H2AZ1: variants seen among roughly 807,000 people sequenced by gnomAD.
The protein encoded by H2AZ1 is histone H2A.Z.
A neutral mutation model predicts 16.6 loss-of-function variants in H2AZ1; 3 were observed. The ratio of observed to expected loss-of-function variants is 0.18; its 90% CI spans 0.08 to 0.47. The LOEUF (loss-of-function observed/expected upper bound fraction) is 0.47, where lower values mean the gene tolerates loss of function less well. Among genes scored for constraint, H2AZ1 ranks in the 20% least tolerant of loss-of-function variants. H2AZ1 has a pLI of 0.98. For missense variants in H2AZ1, 27 were observed against 163.6 expected (o/e 0.17, Z 4.55); for synonymous variants, 78 against 60.7 (o/e 1.28, Z -1.32).
chr4:99,948,971 A>G, intron 3 of H2AZ1, 31 bp from the exon 4 acceptor site: 1 of 1,321,128 alleles, frequency 7.6e-7, no homozygotes, highest in East Asian at 2.3e-5. Flanking sequence ...GTTGCCTTCC[A>G]ACTTTCCTTT....
At chr4:99,949,410 CAT>C in intron 2 of H2AZ1, 24 bp from the exon 3 acceptor site, 1 of 1,400,036 alleles carries the variant, frequency 7.1e-7, no homozygotes, top group Non-Finnish European at 1.0e-6. Context: ...CATACACAAA[CAT>C]AAATGCACAA....
chr4:99,948,596 T>C, intron 4 of H2AZ1, 73 bp from the exon 5 acceptor site: 1 of 1,579,958 alleles, frequency 6.3e-7, no homozygotes, highest in Non-Finnish European at 8.6e-7. Context: ...CAAGAAAGTG[T>C]ATACTGTTCA....
Position 99,950,250 on chromosome 4 carries a change from C to A in H2AZ1, c.-80G>T. On this transcript the variant is annotated 5_prime_UTR_variant, in exon 1 of 5. The change creates a new upstream start codon in the 5' untranslated region. Coordinates refer to ENST00000296417, the MANE Select transcript of H2AZ1 (RefSeq NM_002106.4). ...CACGGTGAGATCCCACCACCTACTC[C>A]TTCGTCGCACCGCGATTCAAACTGC... The A allele has an allele frequency of 1.5e-6, 2 of 1,338,004 alleles. No individual in the cohort carries two copies. The highest frequency in any genetic ancestry group is 2.1e-6 in the Non-Finnish European group (2 of 943,362). 82.9% of individuals were successfully genotyped at this position (1,338,004 alleles called of 1,614,324 possible).
intron 2 of H2AZ1, 58 bp from the exon 3 acceptor site, chr4:99,949,444 A>G: frequency 8.3e-7 from 1 of 1,199,026 alleles, no homozygotes; most frequent in Middle Eastern, 1.9e-4. Context: ...AGAGATGGGG[A>G]AATTATATGC....
At position 99,948,860 on chromosome 4, in the gene H2AZ1, A is replaced by G. The variant is rs1215152143; in HGVS notation, c.276T>C (p.Arg92=). 1.2e-6 allele frequency: 2 copies of G among 1,612,710 alleles called. No homozygotes were observed. Among genetic ancestry groups the G allele is most frequent in the Admixed American group, 1.7e-5 (1 of 60,000 alleles). Residue 92 remains arginine, a synonymous_variant, in exon 4 of 5, where the codon CGT becomes CGC. Transcript: ENST00000296417. ...ITPRHLQLAI[R]GDEELDSLIK... ...TGAGAGAATCCAATTCTTCATCTCC[A>G]CGAATAGCAAGTTGCAAGTGACGAG... is the stretch of plus-strand genomic sequence containing the variant.
At chr4:99,949,177 G>A in intron 3 of H2AZ1, 96 bp downstream of exon 3, 1 of 746,712 alleles carries the variant, frequency 1.3e-6, no homozygotes, top group East Asian at 2.6e-5. Context: ...GCCGCGTTCA[G>A]GGCCTGGGAG....
chr4:99,949,659 T>C lies in H2AZ1; in HGVS notation c.81+4A>G, dbSNP rs902412147. On this transcript the variant is annotated splice_donor_region_variant and intron_variant, in intron 2 of 4. Coordinates refer to ENST00000296417, the MANE Select transcript of H2AZ1 (RefSeq NM_002106.4). Reference sequence around the variant, plus strand: ...ACTCCCAGACTGCACGAACAACTACTGACCTGCAAGCCGGCTCTCTGCGAG... The same window carrying C: ...ACTCCCAGACTGCACGAACAACTACCGACCTGCAAGCCGGCTCTCTGCGAG... 4.3e-6 allele frequency: 7 copies of C among 1,612,900 alleles called. No individual in the cohort carries two copies. The highest frequency in any genetic ancestry group is 5.9e-6 in the Non-Finnish European group (7 of 1,178,954).
Position 99,949,404 on chromosome 4 carries a change from C to T in H2AZ1, c.82-18G>A, listed in dbSNP as rs1260806408. On this transcript the variant is annotated intron_variant, in intron 2 of 4. Transcript: ENST00000296417. ...ACTGGGAACTTAAATTTTAAGCATA[C>T]ACAAACATAAATGCACAAAAATGAG... 5.5e-6 allele frequency: 8 copies of T among 1,459,844 alleles called. No individual in the cohort carries two copies. Among genetic ancestry groups the T allele is most frequent in the Non-Finnish European group, 7.7e-6 (8 of 1,039,484 alleles). The allele number at this position is 1,459,844 out of a possible 1,614,324, so 90.4% of individuals were successfully genotyped here.
At chr4:99,949,772 G>C in intron 1 of H2AZ1, 32 bp from the exon 2 acceptor site, 1 of 1,562,366 alleles carries the variant, frequency 6.4e-7, no homozygotes, top group Non-Finnish European at 8.7e-7. Context: ...GAGCGGAGGA[G>C]GAACGGAGAA....
At chr4:99,949,922 G>A (rs1184347331) in intron 1 of H2AZ1, 182 bp from the exon 2 acceptor site, 1 of 197,248 alleles carries the variant, frequency 5.1e-6, no homozygotes, top group Non-Finnish European at 8.9e-6. Context: ...CCGCGCGCTC[G>A]CCACGGCCGC....
At position 99,949,263 on chromosome 4, in the gene H2AZ1, A is replaced by C. The variant is rs939678179; in HGVS notation, c.195+10T>G. The C allele has an allele frequency of 1.3e-6, 2 of 1,503,530 alleles. No homozygotes were observed. Among genetic ancestry groups the C allele is most frequent in the African/African-American group, 2.8e-5 (2 of 72,118 alleles). The allele number at this position is 1,503,530 out of a possible 1,614,324, so 93.1% of individuals were successfully genotyped here. On this transcript the variant is annotated intron_variant, in intron 3 of 4. Coordinates refer to ENST00000296417, the MANE Select transcript of H2AZ1 (RefSeq NM_002106.4). ...AACCTTCTCCGGATTATAGGCGTTC[A>C]CCCATTTACCTCTGCGGTGAGGTAC... is the stretch of plus-strand genomic sequence containing the variant.
chr4:99,949,399 G>A lies in H2AZ1; in HGVS notation c.82-13C>T. On this transcript the variant is annotated splice_polypyrimidine_tract_variant and intron_variant, in intron 2 of 4. Coordinates refer to ENST00000296417, the MANE Select transcript of H2AZ1 (RefSeq NM_002106.4). ...GGCCCACTGGGAACTTAAATTTTAA[G>A]CATACACAAACATAAATGCACAAAA... 1 of 1,493,544 alleles carries A rather than the reference G, an allele frequency of 6.7e-7. No individual in the cohort carries two copies. The highest frequency in any genetic ancestry group is 9.3e-7 in the Non-Finnish European group (1 of 1,070,144). The allele number at this position is 1,493,544 out of a possible 1,614,324, so 92.5% of individuals were successfully genotyped here.
intron 1 of H2AZ1, 193 bp from the exon 2 acceptor site, chr4:99,949,933 G>A: frequency 5.1e-6 from 1 of 197,056 alleles, no homozygotes; most frequent in Non-Finnish European, 8.9e-6. Flanking sequence ...CCACGGCCGC[G>A]CGCCTCCGCC....
chr4:99,948,428 A>G lies in H2AZ1; in HGVS notation c.*34T>C. Reference sequence around the variant, plus strand: ...ACACTGGACAGCTGTTAGAGTATTTAGAGTCCTGAGATAACAAGGAATCCA... The same window carrying G: ...ACACTGGACAGCTGTTAGAGTATTTGGAGTCCTGAGATAACAAGGAATCCA... On this transcript the variant is annotated 3_prime_UTR_variant, in exon 5 of 5. Coordinates refer to ENST00000296417, the MANE Select transcript of H2AZ1 (RefSeq NM_002106.4). 1 of 1,142,564 alleles carries G rather than the reference A, an allele frequency of 8.8e-7. No homozygotes were observed. Among genetic ancestry groups the G allele is most frequent in the Non-Finnish European group, 1.3e-6 (1 of 749,838 alleles). 70.8% of individuals were successfully genotyped at this position (1,142,564 alleles called of 1,614,324 possible). A position where few individuals can be genotyped will look rare whatever the true frequency, so the allele number is the denominator to read the frequency against.
chr4:99,949,454 C>G (rs572916303), intron 2 of H2AZ1, 68 bp from the exon 3 acceptor site: 1,011 of 1,124,296 alleles, frequency 9.0e-4, no homozygotes, highest in Admixed American at 1.2e-3. Context: ...AAATTATATG[C>G]GCGCCAAAGC....
At chr4:99,948,731 T>A (rs577965969) in intron 4 of H2AZ1, 80 bp downstream of exon 4, 5 of 1,526,570 alleles carry the variant, frequency 3.3e-6, no homozygotes, top group Non-Finnish European at 4.4e-6. Flanking sequence ...TTAAATTTCC[T>A]CTCCTGGAAA....
Position 99,950,214 on chromosome 4 carries a change from C to T in H2AZ1, c.-44G>A. On this transcript the variant is annotated 5_prime_UTR_variant, in exon 1 of 5. Transcript: ENST00000296417. ...TCAAGCAAGCAAGGCAGAGAAAAGG[C>T]TAATCGGACCCACGGTGAGATCCCA... 6.3e-7 allele frequency: 1 copy of T among 1,598,250 alleles called. No homozygotes were observed. Among genetic ancestry groups the T allele is most frequent in the East Asian group, 2.2e-5 (1 of 44,752 alleles).
At chr4:99,949,590 G>C (rs770047246) in intron 2 of H2AZ1, 73 bp downstream of exon 2, 3 of 1,417,608 alleles carry the variant, frequency 2.1e-6, no homozygotes, top group Admixed American at 1.7e-5. Context: ...CGCCCATCGA[G>C]AGCGATGAAT....
intron 3 of H2AZ1, 37 bp downstream of exon 3, chr4:99,949,236 C>G (rs774965949): frequency 7.7e-7 from 1 of 1,294,830 alleles, no homozygotes; most frequent in Non-Finnish European, 1.1e-6. Context: ...CCCCGCCCCC[C>G]AAACCTTCTC....
Sources: gnomAD v4.1 joint callset for allele counts on GRCh38, gnomAD v4.1.1 for gene constraint, MANE v1.5 for transcripts, NCBI Gene and HGNC (gene_info 2026-07-23, HGNC 2026-07-21) for gene names.